Variants in OR56A3 observed in about 807,000 individuals in gnomAD.
OR56A3 encodes olfactory receptor family 56 subfamily A member 3, also known as olfactory receptor 56A3.
In OR56A3, 23 loss-of-function variants were observed where a neutral mutation model predicts 17.5. The observed-to-expected ratio is 1.32, with a 90% CI of 0.95 to 1.87. The LOEUF (loss-of-function observed/expected upper bound fraction) is 1.87, where lower values mean the gene tolerates loss of function less well. OR56A3 is among the 40% of genes most tolerant of loss of function. The probability of loss-of-function intolerance (pLI) is 0.00; values close to 1 mark genes in which losing one functional copy is unlikely to be tolerated. For synonymous variants in OR56A3, 175 were observed against 150.6 expected (o/e 1.16, Z -1.19); for missense variants, 366 against 380.1 (o/e 0.96, Z 0.31).
the OR56A3 span, among the ~76,000 whole-genome samples, chr11:5,987,929 T>C: frequency 6.6e-6 from 1 of 152,196 alleles, no homozygotes; most frequent in Non-Finnish European, 1.5e-5. Context: ...ATATCACTCC[T>C]AAGATTAAAA....
At chr11:6,003,024 T>A in the OR56A3 span, 5 of 1,614,168 alleles carry the variant, frequency 3.1e-6, no homozygotes, top group Non-Finnish European at 4.2e-6. Flanking sequence ...GGAGACCCAG[T>A]GTACCTTAAA....
chr11:5,948,288 G>A lies in OR56A3; in HGVS notation c.942G>A (p.Gly314=). ...GAATGCAGAGGTTGTTGAAGAAAGG[G>A]TGCTAACAAGGACCACTGGATCTCT... is the stretch of plus-strand genomic sequence containing the variant. The part of the protein sequence containing the change: ...KQGMQRLLKK[G]C The change falls in exon 3 of 3, where the codon GGG becomes GGA. Residue 314 remains glycine (G), a synonymous_variant. Transcript: ENST00000641160. 1 of 1,608,720 alleles carries A rather than the reference G, an allele frequency of 6.2e-7. No homozygotes were observed.
the OR56A3 span, among the ~76,000 whole-genome samples, chr11:5,960,203 G>A: frequency 4.6e-5 from 7 of 152,072 alleles, no homozygotes; most frequent in East Asian, 3.9e-4. Flanking sequence ...GAAGACTGTC[G>A]TTGGTACTTT....
chr11:6,001,923 G>A, the OR56A3 span: 1 of 898,942 alleles, frequency 1.1e-6, no homozygotes. Context: ...GAGATATTGA[G>A]AACAGAAGAA....
chr11:6,018,289 C>T, the OR56A3 span, among the ~76,000 whole-genome samples: 2 of 152,104 alleles, frequency 1.3e-5, no homozygotes, highest in Non-Finnish European at 2.9e-5. Flanking sequence ...ATACATTCAT[C>T]TCATCAGCAC....
the OR56A3 span, among the ~76,000 whole-genome samples, chr11:5,969,709 G>C: frequency 6.6e-6 from 1 of 152,062 alleles, no homozygotes; most frequent in Non-Finnish European, 1.5e-5. Context: ...TAAAGACCAT[G>C]GTTTCATTTT....
chr11:5,980,259 T>A, the OR56A3 span, among the ~76,000 whole-genome samples: 1 of 152,192 alleles, frequency 6.6e-6, no homozygotes, highest in Non-Finnish European at 1.5e-5. Context: ...TCTGCCTCAG[T>A]CATCTGTATG....
At chr11:5,992,340 GGCTCCCTTTCTTCAATCTTAAACAACAC>G in the OR56A3 span, among the ~76,000 whole-genome samples, 1 of 152,146 alleles carries the variant, frequency 6.6e-6, no homozygotes, top group African/African-American at 2.4e-5. Context: ...ACAAAATCTT[GGCTCCCTTTCTTCAATCTTAAACAACAC>G]TGAAGAGTCA....
intron 2 of OR56A3, among the ~76,000 whole-genome samples, chr11:5,947,067 A>AC (rs76662679): frequency 6.6e-6 from 1 of 152,114 alleles, no homozygotes; most frequent in Non-Finnish European, 1.5e-5. Flanking sequence ...CTCTAAAAAA[A>AC]ACAATTCTAT....
At chr11:5,999,908 A>G in the OR56A3 span, 2 of 152,258 alleles carry the variant, frequency 1.3e-5, no homozygotes, top group Non-Finnish European at 2.9e-5. Context: ...GGATCAGGGA[A>G]GGAAGACCTA....
chr11:6,018,526 A>T, the OR56A3 span, among the ~76,000 whole-genome samples: 1 of 152,084 alleles, frequency 6.6e-6, no homozygotes, highest in Non-Finnish European at 1.5e-5. Flanking sequence ...TATACCAAAA[A>T]CTATGGAATA....
chr11:5,976,850 T>G, the OR56A3 span, among the ~76,000 whole-genome samples: 1 of 152,130 alleles, frequency 6.6e-6, no homozygotes, highest in East Asian at 1.9e-4. Context: ...CGTAGATGGT[T>G]TTTTGACCCT....
the OR56A3 span, among the ~76,000 whole-genome samples, chr11:5,973,460 T>C: frequency 5.3e-5 from 8 of 152,348 alleles, no homozygotes; most frequent in Non-Finnish European, 8.8e-5. Context: ...TTTTGTCGAA[T>C]TAATTCAAGA....
the OR56A3 span, chr11:5,994,325 C>T: frequency 1.5e-6 from 1 of 673,210 alleles, no homozygotes; most frequent in Non-Finnish European, 2.8e-6. Context: ...TGCATGTGAC[C>T]ACTGTGGTGC....
At chr11:5,972,100 T>C in the OR56A3 span, among the ~76,000 whole-genome samples, 1 of 152,192 alleles carries the variant, frequency 6.6e-6, no homozygotes, top group Non-Finnish European at 1.5e-5. Context: ...CCTCACCAGC[T>C]TTTGCCCTAA....
At position 5,943,469 on chromosome 11, in the gene OR56A3, G is replaced by A. The variant is rs141343314; in HGVS notation, c.-314+1095G>A. On this transcript the variant is annotated intron_variant, in intron 1 of 2. Transcript: ENST00000641160. Reference sequence around the variant, plus strand: ...GGAGTCCTTTGTGACCCCTGGAGAAGAAAAGCTACTTGGAAAGGTAAGATT... The same window carrying A: ...GGAGTCCTTTGTGACCCCTGGAGAAAAAAAGCTACTTGGAAAGGTAAGATT... The A allele has an allele frequency of 2.9e-3, 342 of 116,804 alleles. 1 individual carries two copies. Among genetic ancestry groups the A allele is most frequent in the African/African-American group, 9.9e-3 (309 of 31,154 alleles). The allele number at this position is 116,804 out of a possible 1,614,324, so 7.2% of individuals were successfully genotyped here. A position where few individuals can be genotyped will look rare whatever the true frequency, so the allele number is the denominator to read the frequency against.
the OR56A3 span, among the ~76,000 whole-genome samples, chr11:6,009,721 A>C: frequency 6.6e-6 from 1 of 152,136 alleles, no homozygotes; most frequent in Non-Finnish European, 1.5e-5. Context: ...ATGTTAGTAA[A>C]TGAGTCTAGA....
chr11:5,959,783 G>T, the OR56A3 span, among the ~76,000 whole-genome samples: 1 of 152,070 alleles, frequency 6.6e-6, no homozygotes, highest in African/African-American at 2.4e-5. Context: ...GTTTTCTCTA[G>T]TAGTTTCAGA....
At chr11:6,001,433 C>T in the OR56A3 span, 1 of 152,182 alleles carries the variant, frequency 6.6e-6, no homozygotes, top group Non-Finnish European at 1.5e-5. Context: ...GAATAGAAAA[C>T]GCTGCCCTCA....
Sources: gnomAD v4.1 joint callset for allele counts (sites outside exome capture counted in the v4.1 genomes callset) on GRCh38, gnomAD v4.1.1 for gene constraint, MANE v1.5 for transcripts, NCBI Gene and HGNC (gene_info 2026-07-23, HGNC 2026-07-21) for gene names.